CHST6: variants seen among roughly 807,000 people sequenced by gnomAD.
The protein encoded by CHST6 is N-acetylglucosamine 6-O-sulfotransferase 5.
For synonymous variants in CHST6, 309 were observed against 276.4 expected (o/e 1.12, Z -1.17); for missense variants, 698 against 586.2 (o/e 1.19, Z -1.97).
At chr16:75,489,511 T>C (rs1037742733) in intron 1 of CHST6, among the ~76,000 whole-genome samples, 1 of 151,598 alleles carries the variant, frequency 6.6e-6, no homozygotes, top group Non-Finnish European at 1.5e-5. Context: ...AGCTCTTCGC[T>C]ACATAGTGTC....
chr16:75,480,379 A>G (rs1271107559), intron 2 of CHST6, among the ~76,000 whole-genome samples: 3 of 152,134 alleles, frequency 2.0e-5, no homozygotes, highest in Non-Finnish European at 1.5e-5. Flanking sequence ...CTTGAACAAA[A>G]TATTGGATCG....
rs968221565 is a variant in CHST6 at position 75,495,431 on chromosome 16, G to C, written c.-583C>G. 1 of 152,270 alleles carries C rather than the reference G, an allele frequency of 6.6e-6. No individual in the cohort carries two copies. Among genetic ancestry groups the C allele is most frequent in the Non-Finnish European group, 1.5e-5 (1 of 68,066 alleles). The allele number at this position is 152,270 out of a possible 1,614,324, so 9.4% of individuals were successfully genotyped here. ...ATGAGGCGCTTTCAGACGTGGCTGC[G>C]GTCCCGAGGTGGCCAGCGGGAGCTA... On this transcript the variant is annotated 5_prime_UTR_variant, in exon 1 of 3. Coordinates refer to ENST00000332272, the MANE Select transcript of CHST6 (RefSeq NM_021615.5).
intron 1 of CHST6, among the ~76,000 whole-genome samples, chr16:75,482,534 G>A (rs576261139): frequency 1.1e-4 from 16 of 152,218 alleles, no homozygotes; most frequent in East Asian, 1.9e-4. Context: ...GGGAAACTCC[G>A]TCTCAAAACA....
intron 1 of CHST6, among the ~76,000 whole-genome samples, chr16:75,488,428 C>T (rs955442001): frequency 1.3e-5 from 2 of 148,666 alleles, no homozygotes; most frequent in South Asian, 2.1e-4. Flanking sequence ...GATCATGAGC[C>T]ATTGCATTCC....
chr16:75,479,993 G>T, intron 2 of CHST6, 149 bp from the exon 3 acceptor site: 2 of 689,210 alleles, frequency 2.9e-6, no homozygotes, highest in Non-Finnish European at 2.4e-6. Context: ...TCCCGGAAAT[G>T]TGGCCTTAAG....
chr16:75,494,432 A>C (rs1315483438), intron 1 of CHST6, among the ~76,000 whole-genome samples: 1 of 152,118 alleles, frequency 6.6e-6, no homozygotes, highest in African/African-American at 2.4e-5. Context: ...ATCCTCAAAA[A>C]TGGGAAACTT....
chr16:75,491,190 A>AAAAAATATATATATATAT (rs1206595857), intron 1 of CHST6, among the ~76,000 whole-genome samples: 6 of 50,076 alleles, frequency 1.2e-4, no homozygotes, highest in Non-Finnish European at 1.8e-4. Flanking sequence ...AAAAAAAAAA[A>AAAAAATATATATATATAT]ATATATATAT....
In CHST6 at chr16:75,485,881, C is replaced by A. The variant is rs74447232; in HGVS notation, c.-91-3990G>T. Among the ~76,000 whole-genome samples the A allele has an allele frequency of 1.1e-4, 16 of 152,304 alleles. No individual in the cohort carries two copies. In the East Asian group the frequency reaches 2.9e-3, roughly 28 times the overall value. On this transcript the variant is annotated intron_variant, in intron 1 of 2. Coordinates refer to ENST00000332272, the MANE Select transcript of CHST6 (RefSeq NM_021615.5). ...CGCGGGAGGGTCATGCTGGTCCTGG[C>A]TGCATCCTTATCTCCTGGATTCCAG... is the stretch of plus-strand genomic sequence containing the variant.
chr16:75,488,522 A>G (rs998917275), intron 1 of CHST6, among the ~76,000 whole-genome samples: 3 of 151,884 alleles, frequency 2.0e-5, no homozygotes, highest in South Asian at 2.1e-4. Context: ...AACATACCCA[A>G]TGAGGAGTCA....
chr16:75,491,190 A>AAAAAAAATATATATATATAT (rs1206595857), intron 1 of CHST6, among the ~76,000 whole-genome samples: 2 of 50,070 alleles, frequency 4.0e-5, no homozygotes, highest in Non-Finnish European at 6.0e-5. Flanking sequence ...AAAAAAAAAA[A>AAAAAAAATATATATATATAT]ATATATATAT....
intron 2 of CHST6, 127 bp from the exon 3 acceptor site, chr16:75,479,971 A>T (rs1431842346): frequency 6.5e-6 from 5 of 767,468 alleles, no homozygotes; most frequent in Non-Finnish European, 1.0e-5. Context: ...TGATGGTCTC[A>T]GTGGGGAGCT....
Position 75,479,612 on chromosome 16 carries a change from C to T in CHST6, c.217G>A (p.Ala73Thr). The T allele has an allele frequency of 6.2e-7, 1 of 1,612,898 alleles. No individual in the cohort carries two copies. Among genetic ancestry groups the T allele is most frequent in the South Asian group, 1.1e-5 (1 of 91,050 alleles). Residue 73 changes from alanine to threonine, a missense_variant, in exon 3 of 3, where the codon GCG (alanine) becomes ACG (threonine). Ala to Thr is a moderately conservative substitution (Grantham distance 58). Transcript: ENST00000332272. ...HPDVFYLMEPAWHVWTTLSQG... is the reference protein window; with the variant it reads ...HPDVFYLMEPTWHVWTTLSQG... ...GACAGGGTGGTCCACACGTGCCACG[C>T]GGGCTCCATTAGGTAGAAGACGTCG... is the stretch of plus-strand genomic sequence containing the variant.
chr16:75,477,122 T>G lies in CHST6; in HGVS notation c.*1519A>C, dbSNP rs573429670. On this transcript the variant is annotated 3_prime_UTR_variant, in exon 3 of 3. Transcript: ENST00000332272. ...CATTCTCTAAGCCATGTAGTACACA[T>G]TCATAAATCTGGGGTTTTAAATACC... is the stretch of plus-strand genomic sequence containing the variant. 6 of 152,356 alleles carry G rather than the reference T, an allele frequency of 3.9e-5. No individual in the cohort carries two copies. The highest frequency in any genetic ancestry group is 1.4e-4 in the African/African-American group (6 of 41,582). The allele number at this position is 152,356 out of a possible 1,614,324, so 9.4% of individuals were successfully genotyped here. A position where few individuals can be genotyped will look rare whatever the true frequency, so the allele number is the denominator to read the frequency against.
chr16:75,482,159 C>G (rs961721678), intron 1 of CHST6, among the ~76,000 whole-genome samples: 1 of 152,134 alleles, frequency 6.6e-6, no homozygotes, highest in African/African-American at 2.4e-5. Context: ...GAGTCTCCCC[C>G]CAGAGGAGAC....
intron 1 of CHST6, among the ~76,000 whole-genome samples, chr16:75,493,251 C>A (rs2080274909): frequency 6.6e-6 from 1 of 152,024 alleles, no homozygotes; most frequent in South Asian, 2.1e-4. Context: ...TGGCTCACAC[C>A]TGTAATCCCA....
chr16:75,483,809 G>C (rs1479653052), intron 1 of CHST6, among the ~76,000 whole-genome samples: 2 of 144,018 alleles, frequency 1.4e-5, no homozygotes, highest in Non-Finnish European at 3.1e-5. Flanking sequence ...GAATTGCTTG[G>C]GCCCAGAAGC....
rs2080104025 is a variant in CHST6, at chr16:75,479,119, G to T, written c.710C>A (p.Pro237His). The T allele has an allele frequency of 6.2e-7, 1 of 1,605,536 alleles. No individual in the cohort carries two copies. The highest frequency in any genetic ancestry group is 1.3e-5 in the African/African-American group (1 of 74,998). The change falls in exon 3 of 3, where the codon CCC (proline) becomes CAC (histidine). Residue 237 changes from proline (P) to histidine (H), a missense_variant. By Grantham distance (77) the Pro-to-His change is moderately conservative. Coordinates refer to ENST00000332272, the MANE Select transcript of CHST6 (RefSeq NM_021615.5). ...GTNGTWVEAD[P>H]GLRVVREVCR... ...CACCTCGCGCACCACGCGCAGGCCG[G>T]GGTCGGCCTCCACCCACGTGCCGTT...
Position 75,487,784 on chromosome 16 carries a change from C to T in CHST6, c.-91-5893G>A, listed in dbSNP as rs1463948886. ...ACTGCACTCCAGCCTGGGTGACAGA[C>T]AGAGTGAGACTCCGTCCCCCCTAAA... On this transcript the variant is annotated intron_variant, in intron 1 of 2. Transcript: ENST00000332272. Among the ~76,000 whole-genome samples the T allele has an allele frequency of 3.3e-5, 4 of 119,734 alleles. No individual in the cohort carries two copies. The East Asian group carries it at 7.1e-4, about 21-fold the overall frequency. 78.6% of individuals were successfully genotyped at this position (119,734 alleles called of 152,430 possible). A position where few individuals can be genotyped will look rare whatever the true frequency, so the allele number is the denominator to read the frequency against.
At chr16:75,490,079 G>A (rs1240017378) in intron 1 of CHST6, among the ~76,000 whole-genome samples, 1 of 150,896 alleles carries the variant, frequency 6.6e-6, no homozygotes, top group Non-Finnish European at 1.5e-5. Flanking sequence ...TCGGCGGGGA[G>A]GGAGAATCGC....
Sources: allele counts gnomAD v4.1 joint callset (sites outside exome capture counted in the v4.1 genomes callset), GRCh38; gene constraint gnomAD v4.1.1; transcripts MANE v1.5; gene names NCBI Gene and HGNC (gene_info 2026-07-23, HGNC 2026-07-21).